Variants in PDCL3 observed in about 807,000 individuals in gnomAD.
PDCL3 encodes the protein phosducin-like protein 3.
A neutral mutation model predicts 26.5 loss-of-function variants in PDCL3; 22 were observed. The ratio of observed to expected loss-of-function variants is 0.83; its 90% confidence interval spans 0.59 to 1.19. The LOEUF is 1.19. Among genes scored for constraint, PDCL3 ranks in the 50% most tolerant of loss-of-function variants. The probability of loss-of-function intolerance (pLI) is 0.00; values close to 1 mark genes in which losing one functional copy is unlikely to be tolerated. For synonymous variants in PDCL3, 81 were observed against 104.9 expected, an observed-to-expected ratio of 0.77 and a Z score of 1.39; for missense variants, 246 against 294.1, an observed-to-expected ratio of 0.84 and a Z score of 1.20.
At chr2:100,571,991 TTC>T in intron 5 of PDCL3, 193 bp downstream of exon 5, 1 of 601,150 alleles carries the variant, frequency 1.7e-6, no homozygotes, top group Middle Eastern at 2.8e-4. Flanking sequence ...GCTCTACTGA[TTC>T]TTAGTTCAAG....
intron 4 of PDCL3, 44 bp downstream of exon 4, chr2:100,569,765 TTA>T: frequency 3.2e-6 from 5 of 1,585,552 alleles, no homozygotes; most frequent in Non-Finnish European, 4.3e-6. Context: ...TAATTTGAAT[TTA>T]TGTCTTCAGG....
chr2:100,575,197 G>A (rs964186632), intron 5 of PDCL3, among the ~76,000 whole-genome samples: 22 of 152,084 alleles, frequency 1.4e-4, no homozygotes, highest in Non-Finnish European at 1.9e-4. Context: ...GTGCAATGGC[G>A]CGATCTCGGC....
At position 100,575,414 on chromosome 2, in the gene PDCL3, C is replaced by A. The variant is rs566948740; in HGVS notation, c.578-940C>A. ...CCTCCCAAAGTGCTGGGATTACAGGCATGTGCCACCGCGCCCGGCCTGGTT... is the reference window on the plus strand; with the variant it reads ...CCTCCCAAAGTGCTGGGATTACAGGAATGTGCCACCGCGCCCGGCCTGGTT... On this transcript the variant is annotated intron_variant, in intron 5 of 5. Transcript: ENST00000264254. Among the ~76,000 whole-genome samples the A allele has an allele frequency of 5.3e-5, 8 of 151,966 alleles. No individual in the cohort carries two copies. The East Asian group carries it at 5.8e-4, about 11-fold the overall frequency.
In PDCL3 at chr2:100,571,820, C is replaced by CG. The variant is rs777833618; in HGVS notation, c.577+26dup. On this transcript the variant is annotated intron_variant, in intron 5 of 5. Coordinates refer to ENST00000264254, the MANE Select transcript of PDCL3 (RefSeq NM_024065.5). ...GATGGTAAGGGCTCTGGGAGACAGG[C>CG]GGGGCAGTGAGAGATGGGAGGCGCA... 6 of 1,611,140 alleles carry CG rather than the reference C, an allele frequency of 3.7e-6. No individual in the cohort carries two copies. The East Asian group carries it at 1.1e-4, about 30-fold the overall frequency.
intron 2 of PDCL3, among the ~76,000 whole-genome samples, chr2:100,568,628 T>G (rs1313758957): frequency 6.6e-6 from 1 of 152,044 alleles, no homozygotes; most frequent in African/African-American, 2.4e-5. Flanking sequence ...AGTGAAACTC[T>G]GTCTCCAAAA....
chr2:100,565,989 C>T (rs1339754921), intron 1 of PDCL3, among the ~76,000 whole-genome samples: 4 of 152,128 alleles, frequency 2.6e-5, no homozygotes, highest in Non-Finnish European at 2.9e-5. Flanking sequence ...CTGCAAGCTC[C>T]GCCTCCCGGG....
intron 1 of PDCL3, 174 bp downstream of exon 1, chr2:100,563,247 C>G (rs921968213): frequency 2.9e-6 from 2 of 688,308 alleles, no homozygotes; most frequent in Non-Finnish European, 4.5e-6. Flanking sequence ...CGTGGTCCCA[C>G]CAGGACCCAC....
chr2:100,564,230 T>G (rs1675014934), intron 1 of PDCL3, among the ~76,000 whole-genome samples: 1 of 151,980 alleles, frequency 6.6e-6, no homozygotes, highest in South Asian at 2.1e-4. Context: ...GCATTCCCTG[T>G]CCTTCAGGTC....
At chr2:100,569,978 CGG>C (rs1675135764) in intron 4 of PDCL3, among the ~76,000 whole-genome samples, 1 of 152,062 alleles carries the variant, frequency 6.6e-6, no homozygotes, top group Non-Finnish European at 1.5e-5. Flanking sequence ...GGCGTGGTCG[CGG>C]GCGCCTATAG....
chr2:100,571,828 TGA>T (rs1312602493), intron 5 of PDCL3, 30 bp downstream of exon 5: 1 of 1,605,176 alleles, frequency 6.2e-7, no homozygotes, highest in African/African-American at 1.3e-5. Context: ...GGCGGGGCAG[TGA>T]GAGATGGGAG....
chr2:100,564,588 G>A (rs549556896), intron 1 of PDCL3, among the ~76,000 whole-genome samples: 3 of 152,302 alleles, frequency 2.0e-5, no homozygotes, highest in South Asian at 4.1e-4. Flanking sequence ...GAGCCACCGC[G>A]CCCGGCCTCA....
At chr2:100,570,370 T>TA (rs778387949) in intron 4 of PDCL3, among the ~76,000 whole-genome samples, 6 of 152,160 alleles carry the variant, frequency 3.9e-5, no homozygotes, top group Non-Finnish European at 7.4e-5. Context: ...GGTTGGCCTT[T>TA]ACAGTAGTAA....
At chr2:100,571,192 G>A (rs972583426) in intron 4 of PDCL3, among the ~76,000 whole-genome samples, 5 of 150,996 alleles carry the variant, frequency 3.3e-5, no homozygotes, top group African/African-American at 1.2e-4. Context: ...GGGATTACAG[G>A]CGCCTGCCAC....
chr2:100,566,104 C>T (rs1305503062), intron 1 of PDCL3, among the ~76,000 whole-genome samples: 1 of 152,016 alleles, frequency 6.6e-6, no homozygotes, highest in Non-Finnish European at 1.5e-5. Context: ...GGGGTTTCAC[C>T]GTGTTAGTCA....
Position 100,569,020 on chromosome 2 carries a change from A to G in PDCL3, c.223A>G (p.Arg75Gly). The G allele has an allele frequency of 1.2e-6, 2 of 1,612,168 alleles. No homozygotes were observed. Among genetic ancestry groups the G allele is most frequent in the Non-Finnish European group, 1.7e-6 (2 of 1,179,130 alleles). ...EEDERAIEMYRRRRLAEWKAT... is the reference protein window; with the variant it reads ...EEDERAIEMYGRRRLAEWKAT... ...GGATGAACGTGCTATTGAAATGTACAGGTAAGCGCCACCCAGAGGGGCTGT... is the reference window on the plus strand; with the variant it reads ...GGATGAACGTGCTATTGAAATGTACGGGTAAGCGCCACCCAGAGGGGCTGT... The change falls in exon 3 of 6, where the codon AGA becomes GGA. Residue 75 changes from arginine (R) to glycine (G), a missense_variant and splice_region_variant. Transcript: ENST00000264254.
chr2:100,571,461 A>G, intron 4 of PDCL3, 129 bp from the exon 5 acceptor site: 1 of 825,054 alleles, frequency 1.2e-6, no homozygotes, highest in African/African-American at 1.7e-5. Context: ...ATGTTAATTC[A>G]TCTTAGCTAG....
intron 5 of PDCL3, among the ~76,000 whole-genome samples, chr2:100,575,420 C>A (rs1473247013): frequency 5.9e-5 from 9 of 152,344 alleles, no homozygotes; most frequent in South Asian, 2.1e-4. Context: ...CAGGCATGTG[C>A]CACCGCGCCC....
chr2:100,573,671 CAAAAA>C (rs67667967), intron 5 of PDCL3, among the ~76,000 whole-genome samples: 1 of 104,898 alleles, frequency 9.5e-6, no homozygotes. Context: ...AACTCTATCT[CAAAAA>C]AAAAAAAAAA....
chr2:100,576,552 T>C lies in PDCL3; in HGVS notation c.*56T>C. 2 of 1,459,378 alleles carry C rather than the reference T, an allele frequency of 1.4e-6. No homozygotes were observed. The highest frequency in any genetic ancestry group is 1.8e-6 in the Non-Finnish European group (2 of 1,100,030). 90.4% of individuals were successfully genotyped at this position (1,459,378 alleles called of 1,614,324 possible). On this transcript the variant is annotated 3_prime_UTR_variant, in exon 6 of 6. Transcript: ENST00000264254. ...CTTGTGACAAATTGTCTGGATTTTT[T>C]AAAAAAGGAAAAAGCAAGAATGAAT...
Sources: allele counts gnomAD v4.1 joint callset (sites outside exome capture counted in the v4.1 genomes callset), GRCh38; gene constraint gnomAD v4.1.1; transcripts MANE v1.5; gene names NCBI Gene and HGNC (gene_info 2026-07-23, HGNC 2026-07-21).